GRM8: variants seen among roughly 807,000 people sequenced by gnomAD.
The protein encoded by GRM8 is glutamate metabotropic receptor 8.
Under a neutral mutation model 87.2 loss-of-function variants are expected in GRM8, and 47 were observed. That is an observed-to-expected ratio of 0.54 (90% CI 0.43 to 0.69). GRM8 has a LOEUF of 0.69. GRM8 is among the 30% of genes least tolerant of loss of function. The probability of loss-of-function intolerance (pLI) is 0.00; values close to 1 mark genes in which losing one functional copy is unlikely to be tolerated. For missense variants in GRM8, 1,019 were observed against 1,139.2 expected, an observed-to-expected ratio of 0.89 and a Z score of 1.52; for synonymous variants, 396 against 404.5, an observed-to-expected ratio of 0.98 and a Z score of 0.25.
At chr7:126,973,485 T>C (rs961785300) in intron 3 of GRM8, among the ~76,000 whole-genome samples, 2 of 152,318 alleles carry the variant, frequency 1.3e-5, no homozygotes, top group African/African-American at 2.4e-5. Context: ...ATTAAAAGTA[T>C]AGAAAGTGCT....
At chr7:127,075,074 T>A (rs1238095264) in intron 3 of GRM8, among the ~76,000 whole-genome samples, 7 of 152,228 alleles carry the variant, frequency 4.6e-5, no homozygotes, top group African/African-American at 1.7e-4. Flanking sequence ...TGTAGGAGTC[T>A]TACTCATTTT....
intron 7 of GRM8, among the ~76,000 whole-genome samples, chr7:126,653,814 T>A (rs1243341235): frequency 6.6e-6 from 1 of 152,234 alleles, no homozygotes; most frequent in East Asian, 1.9e-4. Context: ...TATTTCTATT[T>A]ATCATCTTCA....
chr7:127,100,227 G>A (rs1825108281), intron 3 of GRM8, among the ~76,000 whole-genome samples: 1 of 152,092 alleles, frequency 6.6e-6, no homozygotes, highest in Non-Finnish European at 1.5e-5. Context: ...CTCTCTTCAT[G>A]TAGGAACCCT....
chr7:126,455,765 A>G (rs867013433), intron 9 of GRM8, among the ~76,000 whole-genome samples: 1 of 151,728 alleles, frequency 6.6e-6, no homozygotes, highest in Non-Finnish European at 1.5e-5. Context: ...ACATTGCTGC[A>G]TAGGCACCAT....
intron 7 of GRM8, among the ~76,000 whole-genome samples, chr7:126,637,046 A>T (rs1364699655): frequency 6.6e-6 from 1 of 152,080 alleles, no homozygotes; most frequent in East Asian, 1.9e-4. Context: ...GAGGAGGAAA[A>T]AAATAACACT....
chr7:126,824,857 C>G (rs530931532), intron 6 of GRM8, among the ~76,000 whole-genome samples: 2 of 152,256 alleles, frequency 1.3e-5, no homozygotes, highest in East Asian at 3.9e-4. Context: ...TCTTTCCTCC[C>G]TAACTCATAT....
chr7:126,451,204 C>A (rs185828859), intron 9 of GRM8, among the ~76,000 whole-genome samples: 1 of 151,740 alleles, frequency 6.6e-6, no homozygotes, highest in Non-Finnish European at 1.5e-5. Context: ...GCATCTGAAA[C>A]TTAACAAGCC....
At chr7:126,567,713 G>A (rs868001788) in intron 8 of GRM8, among the ~76,000 whole-genome samples, 3 of 151,986 alleles carry the variant, frequency 2.0e-5, no homozygotes, top group East Asian at 1.9e-4. Context: ...ATAAGCCTCC[G>A]GTTAGGTAAG....
intron 6 of GRM8, among the ~76,000 whole-genome samples, chr7:126,881,119 G>A (rs140365843): frequency 1.4e-3 from 208 of 151,994 alleles, no homozygotes; most frequent in Middle Eastern, 6.9e-3. Context: ...ATTAGTCAGG[G>A]TCCCAGAAAA....
intron 9 of GRM8, chr7:126,465,153 T>G (rs1041106244): frequency 6.6e-6 from 1 of 151,776 alleles, no homozygotes; most frequent in African/African-American, 2.4e-5. Context: ...TTCTCAATTC[T>G]ATTCCATTCC....
intron 9 of GRM8, among the ~76,000 whole-genome samples, chr7:126,485,308 G>A (rs1235753585): frequency 2.0e-5 from 3 of 149,156 alleles, no homozygotes; most frequent in East Asian, 4.1e-4. Context: ...GGAAATGAGT[G>A]CAATCAAGGT....
chr7:126,945,128 A>G (rs1807393436), intron 3 of GRM8, among the ~76,000 whole-genome samples: 1 of 152,142 alleles, frequency 6.6e-6, no homozygotes, highest in African/African-American at 2.4e-5. Flanking sequence ...CTCTAGGGAA[A>G]CCCTGACAAA....
intron 8 of GRM8, among the ~76,000 whole-genome samples, chr7:126,541,264 C>T (rs1417017843): frequency 6.6e-6 from 1 of 152,072 alleles, no homozygotes; most frequent in Non-Finnish European, 1.5e-5. Flanking sequence ...GCACAGGAGA[C>T]AAGGCACAGA....
intron 10 of GRM8, among the ~76,000 whole-genome samples, chr7:126,440,155 T>C (rs534244251): frequency 1.5e-4 from 23 of 152,150 alleles, no homozygotes; most frequent in African/African-American, 5.5e-4. Flanking sequence ...GACTCACGTC[T>C]GTAATCCCAG....
At chr7:127,106,414 C>A in intron 3 of GRM8, 82 bp downstream of exon 3, 1 of 1,079,886 alleles carries the variant, frequency 9.3e-7, no homozygotes, top group Non-Finnish European at 1.4e-6. Flanking sequence ...TTATTCCCTA[C>A]AGATAAGAGA....
chr7:126,936,045 T>G (rs1278343296), intron 3 of GRM8, among the ~76,000 whole-genome samples: 3 of 152,160 alleles, frequency 2.0e-5, no homozygotes, highest in African/African-American at 7.2e-5. Context: ...CTATCTGGGC[T>G]GGCAACAATG....
At chr7:126,599,278 T>C (rs1797506511) in intron 8 of GRM8, among the ~76,000 whole-genome samples, 1 of 152,082 alleles carries the variant, frequency 6.6e-6, no homozygotes, top group Admixed American at 6.6e-5. Context: ...TCTGGCCTGA[T>C]TGCAAGGATC....
At chr7:126,711,941 T>C (rs6467095) in intron 7 of GRM8, among the ~76,000 whole-genome samples, 74,931 of 152,116 alleles carry the variant, frequency 0.49, 20,440 homozygotes, top group African/African-American at 0.74. Flanking sequence ...TCTATACAGA[T>C]GAATCAAAAC....
At chr7:126,761,026 G>A (rs993583342) in intron 7 of GRM8, among the ~76,000 whole-genome samples, 12 of 151,920 alleles carry the variant, frequency 7.9e-5, no homozygotes, top group South Asian at 2.1e-4. Flanking sequence ...GTGAAACCCC[G>A]TCTCTACTAA....
Sources: allele counts gnomAD v4.1 joint callset (sites outside exome capture counted in the v4.1 genomes callset), GRCh38; gene constraint gnomAD v4.1.1; transcripts MANE v1.5; gene names NCBI Gene and HGNC (gene_info 2026-07-23, HGNC 2026-07-21).